MGA: variants seen among roughly 807,000 people sequenced by gnomAD.
The protein encoded by MGA is MAX dimerization protein MGA, also known as MAX gene-associated protein.
MGA carries 40 observed loss-of-function variants against 261.1 expected under a neutral mutation model. The observed-to-expected ratio is 0.15, with a 90% CI of 0.12 to 0.20. The LOEUF is 0.20. Ranked by LOEUF, MGA falls within the 10% of genes least tolerant of loss-of-function variation. The pLI, the probability that MGA is intolerant of heterozygous loss-of-function variation, is 1.00. For missense variants in MGA, 3,397 were observed against 3,630.5 expected (o/e 0.94, Z 1.65); for synonymous variants, 1,302 against 1,290.6 (o/e 1.01, Z -0.19).
rs148443758 is a variant in MGA at position 41,702,031 on chromosome 15, A to G, written c.2188+2872A>G. ...CAACCTTGGCTTCCTTTAAAAAGCC[A>G]TACTTGGGCCAGGCTCGGTGGCTCA... is the stretch of plus-strand genomic sequence containing the variant. On this transcript the variant is annotated intron_variant, in intron 5 of 23. Coordinates refer to ENST00000219905, the MANE Select transcript of MGA (RefSeq NM_001164273.2). Among the ~76,000 whole-genome samples the G allele has an allele frequency of 4.7e-3, 716 of 152,162 alleles. 6 individuals are homozygous for G. Among genetic ancestry groups the G allele is most frequent in the African/African-American group, 0.017 (693 of 41,500 alleles).
At chr15:41,696,010 C>A in intron 2 of MGA, 65 bp from the exon 3 acceptor site, 32 of 920,464 alleles carry the variant, frequency 3.5e-5, no homozygotes, top group East Asian at 5.9e-5. Context: ...TTTTTTTTTT[C>A]TCTTCAAGTC....
intron 9 of MGA, among the ~76,000 whole-genome samples, chr15:41,718,929 TAAAG>T (rs2060798772): frequency 1.3e-5 from 2 of 152,050 alleles, no homozygotes; most frequent in Non-Finnish European, 2.9e-5. Flanking sequence ...AAGGGCATGA[TAAAG>T]AGAGAGGTAT....
chr15:41,744,595 T>G (rs2062329059), intron 15 of MGA, among the ~76,000 whole-genome samples: 1 of 152,248 alleles, frequency 6.6e-6, no homozygotes, highest in Admixed American at 6.5e-5. Context: ...AGTGAAGTCA[T>G]TAGTGAAGCT....
chr15:41,707,264 C>A (rs1011603386), intron 5 of MGA, among the ~76,000 whole-genome samples: 1 of 152,158 alleles, frequency 6.6e-6, no homozygotes, highest in African/African-American at 2.4e-5. Context: ...GGGTCCTCTG[C>A]TTAGGGTCTC....
In MGA at chr15:41,740,097, C is replaced by T. The variant is rs900355504; in HGVS notation, c.4479C>T (p.Thr1493=). The change falls in exon 14 of 24, where the codon ACC becomes ACT. Residue 1493 remains threonine, a synonymous_variant. Coordinates refer to ENST00000219905, the MANE Select transcript of MGA (RefSeq NM_001164273.2). ...TGGCTGCATCCAGGAAACCACGTACCCTGTTGCCTTCAACATCCAATTCCA... is the reference window on the plus strand; with the variant it reads ...TGGCTGCATCCAGGAAACCACGTACTCTGTTGCCTTCAACATCCAATTCCA... 1.1e-5 allele frequency: 17 copies of T among 1,614,000 alleles called. No homozygotes were observed. The highest frequency in any genetic ancestry group is 1.7e-5 in the Admixed American group (1 of 60,016).
chr15:41,725,958 T>C (rs566436279), intron 9 of MGA, among the ~76,000 whole-genome samples: 2 of 152,296 alleles, frequency 1.3e-5, no homozygotes, highest in South Asian at 4.1e-4. Context: ...TTTGTGCACA[T>C]TTTTTGGGGG....
intron 1 of MGA, among the ~76,000 whole-genome samples, chr15:41,635,093 G>A (rs974848747): frequency 6.6e-6 from 1 of 152,044 alleles, no homozygotes; most frequent in Non-Finnish European, 1.5e-5. Flanking sequence ...CAGCACCTAG[G>A]GAGGCTGAGG....
intron 9 of MGA, among the ~76,000 whole-genome samples, chr15:41,724,778 G>A (rs1260807594): frequency 6.6e-6 from 1 of 152,096 alleles, no homozygotes; most frequent in East Asian, 1.9e-4. Flanking sequence ...CTGGCTAATT[G>A]ACTCAATCAC....
intron 11 of MGA, among the ~76,000 whole-genome samples, chr15:41,729,595 G>C (rs779576247): frequency 6.6e-6 from 1 of 152,042 alleles, no homozygotes; most frequent in Non-Finnish European, 1.5e-5. Context: ...GCTGAGGCAG[G>C]CGGATCAGTT....
intron 1 of MGA, among the ~76,000 whole-genome samples, chr15:41,628,041 A>T (rs1286361421): frequency 1.3e-5 from 2 of 152,168 alleles, no homozygotes; most frequent in Non-Finnish European, 2.9e-5. Context: ...CCATGCCCTC[A>T]TGGAAATTAT....
At chr15:41,632,079 C>T (rs535846604) in intron 1 of MGA, among the ~76,000 whole-genome samples, 1 of 152,274 alleles carries the variant, frequency 6.6e-6, no homozygotes, top group South Asian at 2.1e-4. Context: ...CTCACTACCT[C>T]ATAGTTTATC....
chr15:41,769,227 G>C lies in MGA; in HGVS notation c.*1947G>C, dbSNP rs1262097977. 6.6e-6 allele frequency: 1 copy of C among 152,204 alleles called. No homozygotes were observed. Among genetic ancestry groups the C allele is most frequent in the Non-Finnish European group, 1.5e-5 (1 of 67,998 alleles). The allele number at this position is 152,204 out of a possible 1,614,324, so 9.4% of individuals were successfully genotyped here. Reference sequence around the variant, plus strand: ...CCAAGACTCTCTTTGTGGCTTTTGAGGGTCAGCCAAGGAGCAGGCAAGTGA... The same window carrying C: ...CCAAGACTCTCTTTGTGGCTTTTGACGGTCAGCCAAGGAGCAGGCAAGTGA... On this transcript the variant is annotated 3_prime_UTR_variant, in exon 24 of 24. Coordinates refer to ENST00000219905, the MANE Select transcript of MGA (RefSeq NM_001164273.2).
intron 9 of MGA, among the ~76,000 whole-genome samples, chr15:41,719,210 T>C (rs1324866433): frequency 2.6e-5 from 4 of 152,282 alleles, no homozygotes; most frequent in Non-Finnish European, 4.4e-5. Flanking sequence ...ACCTATATAC[T>C]AAAAACTATA....
At chr15:41,678,544 T>C (rs1278577224) in intron 2 of MGA, among the ~76,000 whole-genome samples, 1 of 150,206 alleles carries the variant, frequency 6.7e-6, no homozygotes, top group African/African-American at 2.4e-5. Context: ...GGCGGGCGGA[T>C]CACGAGGTCA....
rs150393144 is a variant in MGA, at chr15:41,651,496, TAAAGA to T, written c.-67-17327_-67-17323del. 9.9e-3 allele frequency among the ~76,000 whole-genome samples: 1,505 copies of T among 152,194 alleles called. 27 individuals carry two copies. Among genetic ancestry groups the T allele is most frequent in the African/African-American group, 0.035 (1,435 of 41,508 alleles). On this transcript the variant is annotated intron_variant, in intron 1 of 8. Transcript: ENST00000566718. ...CAGCTGAAAAGTCTCCTCTTCTTCGTAAAGAAAAGTCCCCTTTCTTTTTTTTCTTC... is the reference window on the plus strand; with the variant it reads ...CAGCTGAAAAGTCTCCTCTTCTTCGTAAAGTCCCCTTTCTTTTTTTTCTTC...
intron 2 of MGA, among the ~76,000 whole-genome samples, chr15:41,691,179 TA>T (rs926172126): frequency 1.3e-5 from 2 of 152,160 alleles, no homozygotes; most frequent in Non-Finnish European, 1.5e-5. Flanking sequence ...AAACGTGGGA[TA>T]TTTTTCTATT....
chr15:41,760,062 C>T (rs1285737783), intron 19 of MGA: 1 of 419,090 alleles, frequency 2.4e-6, no homozygotes, highest in Non-Finnish European at 4.4e-6. Context: ...TATACAATTT[C>T]TTCCTCATTT....
intron 2 of MGA, among the ~76,000 whole-genome samples, chr15:41,679,370 A>G (rs1036686878): frequency 1.3e-5 from 2 of 152,100 alleles, no homozygotes; most frequent in African/African-American, 4.8e-5. Context: ...CTTCTGAAAA[A>G]TCCCGTTGGG....
rs769915973 is a variant in MGA, at chr15:41,742,752, A to G, written c.4792A>G (p.Thr1598Ala). ...GTGCAGCCCTGTGACTGCTGCTGTCACTACTACCACCCCTCAAGTGTTTTT... is the reference window on the plus strand; with the variant it reads ...GTGCAGCCCTGTGACTGCTGCTGTCGCTACTACCACCCCTCAAGTGTTTTT... The change falls in exon 15 of 24, where the codon ACT becomes GCT. Residue 1598 changes from threonine to alanine, a missense_variant. Physicochemically the swap from Thr to Ala is moderately conservative, Grantham distance 58. Around this residue, in one of 9 missense-constraint regions of MGA, gnomAD observed 1,410 missense variants for 1,386.4 expected, o/e 1.02. Coordinates refer to ENST00000219905, the MANE Select transcript of MGA (RefSeq NM_001164273.2). The G allele has an allele frequency of 6.2e-7, 1 of 1,613,968 alleles. No individual in the cohort carries two copies. Among genetic ancestry groups the G allele is most frequent in the Non-Finnish European group, 8.5e-7 (1 of 1,179,888 alleles).
Sources: gnomAD v4.1 joint callset for allele counts (sites outside exome capture counted in the v4.1 genomes callset) on GRCh38, gnomAD v4.1.1 for gene constraint, gnomAD v4.1.1 regional missense constraint, MANE v1.5 for transcripts, NCBI Gene and HGNC (gene_info 2026-07-23, HGNC 2026-07-21) for gene names.